Variants in SEZ6L2 observed in about 807,000 individuals in gnomAD.
SEZ6L2 encodes seizure related 6 homolog like 2, also known as seizure 6-like protein 2.
SEZ6L2 carries 44 observed loss-of-function variants against 97.0 expected under a neutral mutation model. That is an observed-to-expected ratio of 0.45 (90% CI 0.36 to 0.58). The LOEUF is 0.58. Ranked by LOEUF, SEZ6L2 falls within the 20% of genes least tolerant of loss-of-function variation. SEZ6L2 has a pLI of 0.00. For synonymous variants in SEZ6L2, 543 were observed against 546.1 expected, an observed-to-expected ratio of 0.99 and a Z score of 0.08; for missense variants, 1,086 against 1,233.3, an observed-to-expected ratio of 0.88 and a Z score of 1.79.
At chr16:29,879,400 T>C (rs1490899209) in intron 9 of SEZ6L2, among the ~76,000 whole-genome samples, 1 of 151,410 alleles carries the variant, frequency 6.6e-6, no homozygotes, top group Non-Finnish European at 1.5e-5. Flanking sequence ...TAATTTTGTA[T>C]TTTAAGTAGA....
chr16:29,875,661 CTTTCT>C (rs1401995670), intron 12 of SEZ6L2, among the ~76,000 whole-genome samples: 1 of 112,712 alleles, frequency 8.9e-6, no homozygotes, highest in African/African-American at 3.8e-5. Context: ...TTCTTTCTTT[CTTTCT>C]TTTTTTTTTT....
rs756693400 is a variant in SEZ6L2, at chr16:29,873,810, C to T, written c.2105-81G>A. The T allele has an allele frequency of 7.5e-6, 10 of 1,334,752 alleles. No individual in the cohort carries two copies. The highest frequency in any genetic ancestry group is 9.1e-6 in the Non-Finnish European group (9 of 993,580). 82.7% of individuals were successfully genotyped at this position (1,334,752 alleles called of 1,614,324 possible). A position where few individuals can be genotyped will look rare whatever the true frequency, so the allele number is the denominator to read the frequency against. On this transcript the variant is annotated intron_variant, in intron 12 of 17. Coordinates refer to ENST00000617533, the MANE Select transcript of SEZ6L2 (RefSeq NM_001243332.2). This position sits in a 1 kb window ranked among gnomAD's most constrained non-coding sequence, Gnocchi z 4.3. ...GCAACACAGAGAGACCCCATCTCTA[C>T]AAAAAATTGAAAAATTAGCCAGGAG...
intron 5 of SEZ6L2, among the ~76,000 whole-genome samples, chr16:29,889,603 ACTTGAAACTT>A (rs2068224742): frequency 7.4e-6 from 1 of 135,020 alleles, no homozygotes; most frequent in Non-Finnish European, 1.6e-5. Flanking sequence ...CAGAAGAACC[ACTTGAAACTT>A]CTTTTTTTTT....
chr16:29,897,846 G>T lies in SEZ6L2; in HGVS notation c.211+7C>A. ...CTAGGCCACTCCTGCCACTCTGGGG[G>T]CCTCACCTGGCAGGTAGCCCATCTC... On this transcript the variant is annotated splice_region_variant and intron_variant, in intron 2 of 17. Transcript: ENST00000617533. 6.3e-7 allele frequency: 1 copy of T among 1,598,242 alleles called. No homozygotes were observed.
chr16:29,875,452 C>T (rs549775716), intron 12 of SEZ6L2, among the ~76,000 whole-genome samples: 1 of 152,248 alleles, frequency 6.6e-6, no homozygotes, highest in Non-Finnish European at 1.5e-5. Context: ...CCATCCAGGC[C>T]TGATATCCTG....
chr16:29,877,390 C>G lies in SEZ6L2; in HGVS notation c.1790G>C (p.Arg597Pro), dbSNP rs1000864837. ...AAGGCGGCGGCGCGGCTGAGGTCCC[C>G]GCAGCTGGGCCAAGACTCGGGCGCT... Reference protein sequence around the residue: ...GPSARVLAQLRGPQPRRRLLS... With the variant: ...GPSARVLAQLPGPQPRRRLLS... Residue 597 changes from arginine to proline, a missense_variant, in exon 11 of 18, where the codon CGG (arginine) becomes CCG (proline). By Grantham distance (103) the Arg-to-Pro change is moderately radical. Transcript: ENST00000617533. 1 of 1,613,284 alleles carries G rather than the reference C, an allele frequency of 6.2e-7. No homozygotes were observed. Among genetic ancestry groups the G allele is most frequent in the East Asian group, 2.2e-5 (1 of 44,874 alleles).
chr16:29,878,258 G>A, intron 10 of SEZ6L2, 29 bp downstream of exon 10: 3 of 1,567,904 alleles, frequency 1.9e-6, no homozygotes, highest in East Asian at 2.3e-5. Context: ...GCCTACACCC[G>A]TCGCACCCTC....
rs1271682461 is a variant in SEZ6L2, at chr16:29,874,558, T to G, written c.2105-829A>C. On this transcript the variant is annotated intron_variant, in intron 12 of 17. Coordinates refer to ENST00000617533, the MANE Select transcript of SEZ6L2 (RefSeq NM_001243332.2). Reference sequence around the variant, plus strand: ...TCTTTGTGTGTGTGCTTGTTTTTTTTTTTTTTTTTTTTTTTTTTTTTTTTT... The same window carrying G: ...TCTTTGTGTGTGTGCTTGTTTTTTTGTTTTTTTTTTTTTTTTTTTTTTTTT... 2.2e-3 allele frequency among the ~76,000 whole-genome samples: 162 copies of G among 74,014 alleles called. 15 individuals are homozygous for G. The highest frequency in any genetic ancestry group is 0.011 in the African/African-American group (150 of 13,260). The allele number at this position is 74,014 out of a possible 152,430, so 48.6% of individuals were successfully genotyped here.
chr16:29,898,888 G>T, intron 1 of SEZ6L2, 53 bp downstream of exon 1: 1 of 1,406,348 alleles, frequency 7.1e-7, no homozygotes, highest in Non-Finnish European at 9.9e-7. Flanking sequence ...GGAGGGTGGA[G>T]GACCCCGCTG....
At chr16:29,880,174 T>C in intron 8 of SEZ6L2, 110 bp from the exon 9 acceptor site, 1 of 1,027,620 alleles carries the variant, frequency 9.7e-7, no homozygotes, top group South Asian at 1.7e-5. Context: ...CTGGGCTTTT[T>C]TTTTTTTTTA....
At chr16:29,872,058 A>G (rs1211171125) in intron 17 of SEZ6L2, 129 bp downstream of exon 17, 1 of 748,884 alleles carries the variant, frequency 1.3e-6, no homozygotes. Flanking sequence ...TGCTATGCTC[A>G]TTGACATGGC....
chr16:29,877,585 A>G (rs944852769), intron 10 of SEZ6L2, 118 bp from the exon 11 acceptor site: 2 of 939,960 alleles, frequency 2.1e-6, no homozygotes, highest in Admixed American at 3.3e-5. Context: ...CCCCGCCCAT[A>G]TTCTCCTATC....
At position 29,876,502 on chromosome 16, in the gene SEZ6L2, G is replaced by A. The variant is rs2067906509; in HGVS notation, c.2104+254C>T. On this transcript the variant is annotated intron_variant, in intron 12 of 17. Coordinates refer to ENST00000617533, the MANE Select transcript of SEZ6L2 (RefSeq NM_001243332.2). This position sits in a 1 kb window ranked among gnomAD's most constrained non-coding sequence, Gnocchi z 6.5. ...GCCGTGAGACGAGGAAACAGGGACC[G>A]AGCCCAGGTCGGTGCAAGAAAGAGG... is the stretch of plus-strand genomic sequence containing the variant. 1.3e-5 allele frequency among the ~76,000 whole-genome samples: 2 copies of A among 151,866 alleles called. No individual in the cohort carries two copies. Among genetic ancestry groups the A allele is most frequent in the African/African-American group, 2.4e-5 (1 of 41,326 alleles).
At chr16:29,893,966 G>A (rs1210594702) in intron 5 of SEZ6L2, among the ~76,000 whole-genome samples, 1 of 152,144 alleles carries the variant, frequency 6.6e-6, no homozygotes. Flanking sequence ...CGCCTCCTGG[G>A]TTCAAACAAT....
In SEZ6L2 at chr16:29,877,328, C is replaced by T. The variant is rs1456508787; in HGVS notation, c.1852G>A (p.Ala618Thr). Residue 618 changes from alanine (A) to threonine (T), a missense_variant, in exon 11 of 18, where the codon GCA becomes ACA. Around this residue, in one of 2 missense-constraint regions of SEZ6L2, gnomAD observed 310 missense variants for 438.6 expected, o/e 0.71. Transcript: ENST00000617533. ...CCTGGATTTGGGGGCCCGGGCGGTG[C>T]CTGAAACTGCAGTGTGAGGTCGGGC... The part of the protein sequence containing the change: ...SGPDLTLQFQ[A>T]PPGPPNPGLG... The T allele has an allele frequency of 6.2e-7, 1 of 1,612,846 alleles. No homozygotes were observed. The highest frequency in any genetic ancestry group is 8.5e-7 in the Non-Finnish European group (1 of 1,179,418).
At chr16:29,879,541 T>C (rs966439129) in intron 9 of SEZ6L2, among the ~76,000 whole-genome samples, 1 of 152,210 alleles carries the variant, frequency 6.6e-6, no homozygotes, top group Non-Finnish European at 1.5e-5. Context: ...TACCTGTTTC[T>C]TGCCGCATCT....
intron 8 of SEZ6L2, 91 bp from the exon 9 acceptor site, chr16:29,880,155 G>C (rs1330554986): frequency 8.0e-7 from 1 of 1,247,896 alleles, no homozygotes; most frequent in Non-Finnish European, 1.1e-6. Flanking sequence ...GGTGTTCTTT[G>C]GCCACTCACT....
intron 4 of SEZ6L2, 118 bp from the exon 5 acceptor site, chr16:29,895,578 C>T: frequency 1.4e-6 from 2 of 1,414,430 alleles, no homozygotes; most frequent in Non-Finnish European, 1.9e-6. Context: ...CGCTGCTGCC[C>T]AAGTTGTAGA....
chr16:29,879,826 GT>G, intron 9 of SEZ6L2, 37 bp downstream of exon 9: 1 of 1,540,728 alleles, frequency 6.5e-7, no homozygotes, highest in South Asian at 1.2e-5. Flanking sequence ...AGGGGGCAAC[GT>G]GGACTGAAGG....
Sources: allele counts gnomAD v4.1 joint callset (sites outside exome capture counted in the v4.1 genomes callset), GRCh38; gene constraint gnomAD v4.1.1; regional missense constraint gnomAD v4.1.1; non-coding constraint Gnocchi (gnomAD v3.1); transcripts MANE v1.5; gene names NCBI Gene and HGNC (gene_info 2026-07-23, HGNC 2026-07-21).